Variants in EPAS1 observed in about 807,000 individuals in gnomAD.
EPAS1 encodes the protein endothelial PAS domain protein 1.
In EPAS1, 23 loss-of-function variants were observed where a neutral mutation model predicts 87.9. The observed-to-expected ratio is 0.26, with a 90% CI of 0.19 to 0.37. The LOEUF (loss-of-function observed/expected upper bound fraction) is 0.37, where lower values mean the gene tolerates loss of function less well. Among genes scored for constraint, EPAS1 ranks in the 10% least tolerant of loss-of-function variants. The pLI is 1.00. For synonymous variants in EPAS1, 508 were observed against 444.3 expected (o/e 1.14, Z -1.80); for missense variants, 1,138 against 1,120.7 (o/e 1.02, Z -0.22).
Position 46,360,813 on chromosome 2 carries a change from G to A in EPAS1, c.573+57G>A, listed in dbSNP as rs892786053. 12 of 1,612,272 alleles carry A rather than the reference G, an allele frequency of 7.4e-6. No individual in the cohort carries two copies. Among genetic ancestry groups the A allele is most frequent in the Non-Finnish European group, 1.0e-5 (12 of 1,178,548 alleles). On this transcript the variant is annotated intron_variant, in intron 5 of 15. Transcript: ENST00000263734. The surrounding 1 kb of genome is among the most constrained non-coding windows in gnomAD (Gnocchi z 4.5). ...CAGGTGTAGGGTAACGGCGGTGCAG[G>A]GGATGCCTAAGGCCCTACCCCCACC...
chr2:46,299,356 A>C lies in EPAS1; in HGVS notation c.26+1419A>C, dbSNP rs375258971. Among the ~76,000 whole-genome samples, 155 of 152,054 alleles carry C rather than the reference A, an allele frequency of 1.0e-3. 1 individual carries two copies. The highest frequency in any genetic ancestry group is 3.4e-3 in the African/African-American group (140 of 41,472). ...TGGCCGTAGTCCCCCCTTTCTCGTC[A>C]CCGTCGCGCCCTCAGACCCAAGACA... is the stretch of plus-strand genomic sequence containing the variant. On this transcript the variant is annotated intron_variant, in intron 1 of 15. Coordinates refer to ENST00000263734, the MANE Select transcript of EPAS1 (RefSeq NM_001430.5).
chr2:46,299,045 G>A (rs1254851124), intron 1 of EPAS1, among the ~76,000 whole-genome samples: 1 of 152,264 alleles, frequency 6.6e-6, no homozygotes, highest in Non-Finnish European at 1.5e-5. Context: ...AACCAGCGGC[G>A]GAGCGGCGGT....
chr2:46,301,634 A>G (rs967402949), intron 1 of EPAS1, among the ~76,000 whole-genome samples: 2 of 151,502 alleles, frequency 1.3e-5, no homozygotes, highest in African/African-American at 2.4e-5. Context: ...TTAAGTATGT[A>G]TTTTCCTATT....
intron 1 of EPAS1, among the ~76,000 whole-genome samples, chr2:46,345,222 C>T (rs1424276864): frequency 1.3e-5 from 2 of 152,182 alleles, no homozygotes; most frequent in African/African-American, 4.8e-5. Context: ...CCAGGTGATT[C>T]TCCCATCTGG....
intron 6 of EPAS1, among the ~76,000 whole-genome samples, chr2:46,366,125 G>A (rs1473811762): frequency 2.6e-5 from 4 of 152,248 alleles, no homozygotes; most frequent in Non-Finnish European, 5.9e-5. Flanking sequence ...GCACCGTGGC[G>A]CTGCACCGCA....
Position 46,297,540 on chromosome 2 carries a change from C to G in EPAS1, c.-372C>G, listed in dbSNP as rs1682903860. On this transcript the variant is annotated 5_prime_UTR_variant, in exon 1 of 16. Transcript: ENST00000263734. ...GCTCAGCCCGGCCTCCGACTCCTTC[C>G]GACTCCCAGCATTCGAGCCACTTTT... The G allele has an allele frequency of 3.2e-6, 1 of 317,236 alleles. No homozygotes were observed. The highest frequency in any genetic ancestry group is 2.3e-5 in the African/African-American group (1 of 42,808). 19.7% of individuals were successfully genotyped at this position (317,236 alleles called of 1,614,324 possible). A position where few individuals can be genotyped will look rare whatever the true frequency, so the allele number is the denominator to read the frequency against.
At chr2:46,352,706 C>T (rs1370238236) in intron 2 of EPAS1, among the ~76,000 whole-genome samples, 2 of 152,202 alleles carry the variant, frequency 1.3e-5, no homozygotes, top group African/African-American at 4.8e-5. Flanking sequence ...GTGAGGGCAA[C>T]TAGTTCCACA....
chr2:46,384,830 C>A lies in EPAS1; in HGVS notation c.*170C>A. On this transcript the variant is annotated 3_prime_UTR_variant, in exon 16 of 16. Coordinates refer to ENST00000263734, the MANE Select transcript of EPAS1 (RefSeq NM_001430.5). ...AGCAGTGGCCTTTTTCTGAGATGCT[C>A]ACTTTATTATCCCTATTTTTAAAGT... 1.4e-6 allele frequency: 1 copy of A among 736,772 alleles called. No individual in the cohort carries two copies. Among genetic ancestry groups the A allele is most frequent in the Non-Finnish European group, 2.3e-6 (1 of 443,728 alleles). 45.6% of individuals were successfully genotyped at this position (736,772 alleles called of 1,614,324 possible).
intron 14 of EPAS1, 66 bp downstream of exon 14, chr2:46,382,155 C>G (rs1684912477): frequency 1.4e-6 from 2 of 1,459,346 alleles, no homozygotes; most frequent in Middle Eastern, 1.8e-4. Context: ...CTCGGGAGCC[C>G]ATCCTGGTTC....
At chr2:46,342,601 C>A (rs181954139) in intron 1 of EPAS1, among the ~76,000 whole-genome samples, 47 of 152,266 alleles carry the variant, frequency 3.1e-4, no homozygotes, top group African/African-American at 1.0e-3. Context: ...GGCAGCCAAC[C>A]CCTCTGTGTT....
intron 1 of EPAS1, among the ~76,000 whole-genome samples, chr2:46,308,460 TGGGG>T (rs3053639): frequency 9.2e-6 from 1 of 109,228 alleles, no homozygotes; most frequent in African/African-American, 3.1e-5. Flanking sequence ...TGCTTTTTTT[TGGGG>T]GGGGGGGCTC....
chr2:46,380,961 C>A lies in EPAS1; in HGVS notation c.2045+244C>A, dbSNP rs141661851. 3.2e-3 allele frequency among the ~76,000 whole-genome samples: 486 copies of A among 152,286 alleles called. No homozygotes were observed. The highest frequency in any genetic ancestry group is 0.01 in the African/African-American group (435 of 41,548). On this transcript the variant is annotated intron_variant, in intron 12 of 15. Coordinates refer to ENST00000263734, the MANE Select transcript of EPAS1 (RefSeq NM_001430.5). The surrounding 1 kb of genome is among the most constrained non-coding windows in gnomAD (Gnocchi z 4.4). The stretch of plus-strand genomic sequence containing the variant: ...AAGTGGCTTGTTGAGAGCCCTGTAC[C>A]TCAGTGTCTCCCTTCGGACCACCAC...
Position 46,297,625 on chromosome 2 carries a change from CCCTTCTCTCCGT to C in EPAS1, c.-283_-272del. The C allele has an allele frequency of 2.1e-6, 1 of 480,564 alleles. No homozygotes were observed. The highest frequency in any genetic ancestry group is 2.3e-5 in the South Asian group (1 of 43,118). 29.8% of individuals were successfully genotyped at this position (480,564 alleles called of 1,614,324 possible). A position where few individuals can be genotyped will look rare whatever the true frequency, so the allele number is the denominator to read the frequency against. Reference sequence around the variant, plus strand: ...TTCCAGGGAAAAAGGAACTTGGGTTCCCTTCTCTCCGTCCTCTTTTCGGGTCTGACAGCCTCC... The same window carrying C: ...TTCCAGGGAAAAAGGAACTTGGGTTCCCTCTTTTCGGGTCTGACAGCCTCC... On this transcript the variant is annotated 5_prime_UTR_variant, in exon 1 of 16. Coordinates refer to ENST00000263734, the MANE Select transcript of EPAS1 (RefSeq NM_001430.5).
chr2:46,356,637 C>G, intron 3 of EPAS1, 87 bp from the exon 4 acceptor site: 4 of 1,078,142 alleles, frequency 3.7e-6, no homozygotes, highest in Non-Finnish European at 5.8e-6. Context: ...CTCCCTGCCT[C>G]CAAATCTGGA....
chr2:46,376,666 T>G lies in EPAS1; in HGVS notation c.1162T>G (p.Phe388Val), dbSNP rs1684755516. ...GGGGGCTGTGTCTGAGAAGAGTAAC[T>G]TCCTATTCACCAAGCTAAAGGAGGA... ...GKGAVSEKSN[F>V]LFTKLKEEPE... Residue 388 changes from phenylalanine (F) to valine (V), a missense_variant, in exon 9 of 16, where the codon TTC becomes GTC. Phe to Val is a conservative substitution (Grantham distance 50, BLOSUM62 -1). Around this residue, in one of 4 missense-constraint regions of EPAS1, gnomAD observed 284 missense variants for 258.4 expected, o/e 1.10. Transcript: ENST00000263734. 1.2e-6 allele frequency: 2 copies of G among 1,613,968 alleles called. No homozygotes were observed. Among genetic ancestry groups the G allele is most frequent in the Non-Finnish European group, 1.7e-6 (2 of 1,180,016 alleles).
In EPAS1 at chr2:46,360,957, G is replaced by C. The variant is rs944566257; in HGVS notation, c.646G>C (p.Glu216Gln). ...PPHNSLCGYK[E>Q]PLLSCLIIMC... is the part of the protein sequence containing the mutation. ...TCACAATAGTCTGTGTGGCTACAAG[G>C]AGCCCCTGCTGTCCTGCCTCATCAT... The change falls in exon 6 of 16, where the codon GAG becomes CAG. Residue 216 changes from glutamate (E) to glutamine (Q), a missense_variant. Glu to Gln is a conservative substitution (Grantham distance 29). Transcript: ENST00000263734. This position sits in a 1 kb window ranked among gnomAD's most constrained non-coding sequence, Gnocchi z 4.5. 9.3e-6 allele frequency: 15 copies of C among 1,614,160 alleles called. No homozygotes were observed. Among genetic ancestry groups the C allele is most frequent in the Non-Finnish European group, 1.3e-5 (15 of 1,180,028 alleles).
At chr2:46,329,371 G>A (rs1683627391) in intron 1 of EPAS1, among the ~76,000 whole-genome samples, 1 of 152,120 alleles carries the variant, frequency 6.6e-6, no homozygotes, top group Non-Finnish European at 1.5e-5. Flanking sequence ...TCCTATTTAT[G>A]GTAAGGGGAG....
rs1684866311 is a variant in EPAS1, at chr2:46,380,621, C to T, written c.1949C>T (p.Thr650Ile). Residue 650 changes from threonine to isoleucine, a missense_variant, in exon 12 of 16, where the codon ACA becomes ATA. Thr to Ile is a moderately conservative substitution (Grantham distance 89). Coordinates refer to ENST00000263734, the MANE Select transcript of EPAS1 (RefSeq NM_001430.5). This position sits in a 1 kb window ranked among gnomAD's most constrained non-coding sequence, Gnocchi z 4.4. Reference sequence around the variant, plus strand: ...GATCCACCATTACATTTTGGGCCCACAAAGTGGGCCGTCGGGGATCAGCGC... The same window carrying T: ...GATCCACCATTACATTTTGGGCCCATAAAGTGGGCCGTCGGGGATCAGCGC... ...PPDPPLHFGP[T>I]KWAVGDQRTE... 1.9e-6 allele frequency: 3 copies of T among 1,614,070 alleles called. No homozygotes were observed. The highest frequency in any genetic ancestry group is 2.2e-5 in the East Asian group (1 of 44,890).
intron 9 of EPAS1, 118 bp downstream of exon 9, chr2:46,376,871 C>T (rs560318048): frequency 5.6e-6 from 6 of 1,062,790 alleles, no homozygotes; most frequent in Admixed American, 2.0e-5. Context: ...CCCAGCCCCC[C>T]AAGTCTTGTT....
Sources: gnomAD v4.1 joint callset for allele counts (sites outside exome capture counted in the v4.1 genomes callset) on GRCh38, gnomAD v4.1.1 for gene constraint, gnomAD v4.1.1 regional missense constraint, Gnocchi (gnomAD v3.1) non-coding constraint, MANE v1.5 for transcripts, NCBI Gene and HGNC (gene_info 2026-07-23, HGNC 2026-07-21) for gene names.